Variants in GRIP1 observed in about 807,000 individuals in gnomAD.
GRIP1 encodes glutamate receptor-interacting protein 1.
A neutral mutation model predicts 129.9 loss-of-function variants in GRIP1; 45 were observed. That is an observed-to-expected ratio of 0.35 (90% CI 0.27 to 0.44). The LOEUF (loss-of-function observed/expected upper bound fraction) is 0.44. GRIP1 is among the 20% of genes least tolerant of loss of function. GRIP1 has a pLI of 1.00. For synonymous variants in GRIP1, 530 were observed against 520.8 expected (o/e 1.02, Z -0.24); for missense variants, 1,196 against 1,396.8 (o/e 0.86, Z 2.29).
rs144383427 is a variant in GRIP1 at position 66,963,697 on chromosome 12, C to A, written c.58+105353G>T. On this transcript the variant is annotated intron_variant, in intron 1 of 1. Transcript: ENST00000643019. ...CAATACTCCTTGTTCTCATCTTCTG[C>A]GTCTACACCTTCTACTTGAACAACA... 4.5e-3 allele frequency among the ~76,000 whole-genome samples: 684 copies of A among 152,196 alleles called. 4 individuals are homozygous for A. Among genetic ancestry groups the A allele is most frequent in the African/African-American group, 0.016 (645 of 41,524 alleles).
At chr12:66,937,584 T>C (rs547172121) in intron 1 of GRIP1, among the ~76,000 whole-genome samples, 2 of 151,940 alleles carry the variant, frequency 1.3e-5, no homozygotes, top group Non-Finnish European at 2.9e-5. Context: ...TCAAAAAAAA[T>C]TGGAGAAAGG....
intron 1 of GRIP1, among the ~76,000 whole-genome samples, chr12:66,797,360 T>A (rs562597425): frequency 6.6e-6 from 1 of 152,256 alleles, no homozygotes; most frequent in South Asian, 2.1e-4. Flanking sequence ...CTGTTTGGGA[T>A]GTATGCTGCC....
intron 1 of GRIP1, among the ~76,000 whole-genome samples, chr12:66,991,235 T>C (rs1282050240): frequency 6.6e-6 from 1 of 152,084 alleles, no homozygotes; most frequent in Non-Finnish European, 1.5e-5. Flanking sequence ...ATCACGCCAC[T>C]GCACTCAAGC....
At chr12:66,651,526 G>A (rs1249310382) in intron 1 of GRIP1, among the ~76,000 whole-genome samples, 1 of 152,070 alleles carries the variant, frequency 6.6e-6, no homozygotes, top group Non-Finnish European at 1.5e-5. Context: ...TTCTTTTAAC[G>A]TGGATATGAG....
chr12:66,791,424 C>T lies in GRIP1; in HGVS notation c.-420+12629G>A, dbSNP rs80038595. 2.2e-3 allele frequency among the ~76,000 whole-genome samples: 331 copies of T among 152,242 alleles called. 9 individuals are homozygous for T. In the East Asian group the frequency reaches 0.055, roughly 25 times the overall value. On this transcript the variant is annotated intron_variant, in intron 1 of 4. Transcript: ENST00000538373. ...AGATTGATGACTAGTGTTGAGAAAC[C>T]AGCTGAGGCTGGAACTCATAAATCT...
intron 15 of GRIP1, among the ~76,000 whole-genome samples, chr12:66,410,525 C>T (rs2057363465): frequency 6.6e-6 from 1 of 151,514 alleles, no homozygotes; most frequent in African/African-American, 2.4e-5. Flanking sequence ...CAGCTGTAAT[C>T]CCAGCCACTT....
intron 1 of GRIP1, among the ~76,000 whole-genome samples, chr12:66,900,880 C>T (rs141277464): frequency 1.6e-3 from 241 of 152,312 alleles, no homozygotes; most frequent in Middle Eastern, 3.4e-3. Context: ...ATTGGGTAGG[C>T]AACTAGCAGT....
chr12:66,484,581 A>G (rs1010209518), intron 7 of GRIP1, among the ~76,000 whole-genome samples: 1 of 152,226 alleles, frequency 6.6e-6, no homozygotes, highest in African/African-American at 2.4e-5. Context: ...ACGCACAGAA[A>G]GACAAATACT....
chr12:66,918,718 C>T (rs988357420), intron 1 of GRIP1, among the ~76,000 whole-genome samples: 16 of 152,234 alleles, frequency 1.1e-4, no homozygotes, highest in African/African-American at 3.6e-4. Flanking sequence ...TTTATGTTAG[C>T]TGCCCCCATG....
chr12:66,568,475 C>G (rs2062846363), intron 2 of GRIP1: 2 of 173,576 alleles, frequency 1.2e-5, no homozygotes, highest in Admixed American at 1.3e-4. Flanking sequence ...TCCATGGACC[C>G]TGCCTCCTCC....
chr12:66,632,773 T>C (rs994241067), intron 1 of GRIP1, among the ~76,000 whole-genome samples: 1 of 152,200 alleles, frequency 6.6e-6, no homozygotes, highest in Admixed American at 6.5e-5. Context: ...TAGAAACTCA[T>C]ACTGGAATCC....
At chr12:66,756,118 G>T (rs1229896243) in intron 1 of GRIP1, among the ~76,000 whole-genome samples, 1 of 152,044 alleles carries the variant, frequency 6.6e-6, no homozygotes, top group South Asian at 2.1e-4. Flanking sequence ...ACATTGTTGG[G>T]CAACAGATCT....
At chr12:66,962,791 G>A (rs544252116) in intron 1 of GRIP1, among the ~76,000 whole-genome samples, 1 of 152,050 alleles carries the variant, frequency 6.6e-6, no homozygotes, top group East Asian at 1.9e-4. Context: ...TTTAAGTGTT[G>A]CCTTAAGTTT....
intron 7 of GRIP1, among the ~76,000 whole-genome samples, chr12:66,507,754 C>T (rs1280524323): frequency 2.0e-5 from 3 of 150,762 alleles, no homozygotes; most frequent in East Asian, 3.9e-4. Flanking sequence ...ATAGGGCATT[C>T]CTTTCTTTCT....
At chr12:66,514,759 TG>T (rs1286702553) in intron 7 of GRIP1, among the ~76,000 whole-genome samples, 1 of 152,138 alleles carries the variant, frequency 6.6e-6, no homozygotes, top group African/African-American at 2.4e-5. Context: ...TGTATGACAT[TG>T]TTATATATGA....
intron 8 of GRIP1, 87 bp from the exon 9 acceptor site, chr12:66,463,180 GT>G: frequency 8.6e-7 from 1 of 1,156,150 alleles, no homozygotes; most frequent in Non-Finnish European, 1.3e-6. Context: ...AAATTTCACA[GT>G]TTTTCATTTA....
At chr12:67,025,458 A>G (rs2042929289) in intron 1 of GRIP1, among the ~76,000 whole-genome samples, 1 of 152,222 alleles carries the variant, frequency 6.6e-6, no homozygotes, top group Admixed American at 6.5e-5. Context: ...TAAGAAAACA[A>G]GAAACTTTAA....
chr12:66,709,812 T>C (rs918162370), intron 1 of GRIP1, among the ~76,000 whole-genome samples: 9 of 152,032 alleles, frequency 5.9e-5, no homozygotes, highest in African/African-American at 2.2e-4. Context: ...GAATATTTAA[T>C]AAAAGGGGAT....
At chr12:66,962,104 T>G (rs924250353) in intron 1 of GRIP1, among the ~76,000 whole-genome samples, 1 of 152,162 alleles carries the variant, frequency 6.6e-6, no homozygotes, top group Non-Finnish European at 1.5e-5. Flanking sequence ...TTTCTTCCTC[T>G]CTTTGGGATA....
Sources: gnomAD v4.1 joint callset for allele counts (sites outside exome capture counted in the v4.1 genomes callset) on GRCh38, gnomAD v4.1.1 for gene constraint, MANE v1.5 for transcripts, NCBI Gene and HGNC (gene_info 2026-07-23, HGNC 2026-07-21) for gene names.